Variants in UBASH3A observed in about 807,000 individuals in gnomAD.
UBASH3A encodes ubiquitin-associated and SH3 domain-containing protein A.
In UBASH3A, 63 loss-of-function variants were observed where a neutral mutation model predicts 73.5. That is an observed-to-expected ratio of 0.86 (90% confidence interval 0.70 to 1.06). The LOEUF (loss-of-function observed/expected upper bound fraction) is 1.06. Among genes scored for constraint, UBASH3A ranks in the 50% least tolerant of loss-of-function variants. The probability of loss-of-function intolerance (pLI) is 0.00; values close to 1 mark genes in which losing one functional copy is unlikely to be tolerated. For synonymous variants in UBASH3A, 363 were observed against 351.1 expected, an observed-to-expected ratio of 1.03 and a Z score of -0.38; for missense variants, 860 against 859.0, an observed-to-expected ratio of 1.00 and a Z score of -0.02.
At chr21:42,410,233 G>T in intron 3 of UBASH3A, 1 of 694,830 alleles carries the variant, frequency 1.4e-6, no homozygotes, top group Non-Finnish European at 2.6e-6. Flanking sequence ...TGTGGGAGCT[G>T]CTCAGGAGAA....
intron 7 of UBASH3A, among the ~76,000 whole-genome samples, chr21:42,419,767 G>A (rs533238799): frequency 6.6e-6 from 1 of 152,336 alleles, no homozygotes; most frequent in East Asian, 1.9e-4. Context: ...AATAGAAACT[G>A]TACTTCAAGT....
intron 14 of UBASH3A, among the ~76,000 whole-genome samples, chr21:42,446,648 A>G (rs555541943): frequency 6.6e-6 from 1 of 152,172 alleles, no homozygotes; most frequent in Non-Finnish European, 1.5e-5. Context: ...CTGAAAACTC[A>G]ATGTCTGTGT....
chr21:42,443,060 T>A, intron 12 of UBASH3A: 1 of 1,216,798 alleles, frequency 8.2e-7, no homozygotes, highest in South Asian at 2.4e-5. Flanking sequence ...AGAGTCTTTG[T>A]CATTCTCCAC....
At chr21:42,444,250 C>A (rs1380571949) in intron 13 of UBASH3A, among the ~76,000 whole-genome samples, 3 of 152,228 alleles carry the variant, frequency 2.0e-5, no homozygotes, top group Non-Finnish European at 4.4e-5. Flanking sequence ...CAGTCTGTGG[C>A]TGACGGGGCC....
intron 8 of UBASH3A, 49 bp downstream of exon 8, chr21:42,426,869 A>T: frequency 6.3e-7 from 1 of 1,596,806 alleles, no homozygotes; most frequent in Non-Finnish European, 8.5e-7. Flanking sequence ...GCAAAACTAC[A>T]CTTTGTATTA....
At chr21:42,444,925 G>A (rs896207884) in intron 14 of UBASH3A, among the ~76,000 whole-genome samples, 4 of 152,130 alleles carry the variant, frequency 2.6e-5, no homozygotes, top group Non-Finnish European at 5.9e-5. Flanking sequence ...AAAAACAGAC[G>A]GTCCAGGAAG....
At chr21:42,427,327 G>A (rs1016092096) in intron 8 of UBASH3A, among the ~76,000 whole-genome samples, 1 of 152,166 alleles carries the variant, frequency 6.6e-6, no homozygotes, top group Non-Finnish European at 1.5e-5. Flanking sequence ...ACGCAAACAA[G>A]TGACATCACA....
intron 8 of UBASH3A, among the ~76,000 whole-genome samples, chr21:42,431,447 C>G (rs781714092): frequency 6.6e-6 from 1 of 152,220 alleles, no homozygotes; most frequent in African/African-American, 2.4e-5. Context: ...GTCCCTGGCT[C>G]GAAGCTGCTG....
chr21:42,447,048 C>G lies in UBASH3A; in HGVS notation c.1849-9C>G. On this transcript the variant is annotated splice_polypyrimidine_tract_variant and intron_variant, in intron 14 of 14. Coordinates refer to ENST00000319294, the MANE Select transcript of UBASH3A (RefSeq NM_018961.4). Reference sequence around the variant, plus strand: ...AGATATTAACAAGTGATTTAAAACTCTGTTCCAGATCCCTTCCCTGGGCAT... The same window carrying G: ...AGATATTAACAAGTGATTTAAAACTGTGTTCCAGATCCCTTCCCTGGGCAT... The G allele has an allele frequency of 6.2e-7, 1 of 1,608,186 alleles. No homozygotes were observed. Among genetic ancestry groups the G allele is most frequent in the Non-Finnish European group, 8.5e-7 (1 of 1,178,214 alleles).
chr21:42,405,906 G>A (rs1043308029), intron 1 of UBASH3A, among the ~76,000 whole-genome samples: 3 of 149,954 alleles, frequency 2.0e-5, no homozygotes, highest in Non-Finnish European at 4.4e-5. Flanking sequence ...GATCAGGGTC[G>A]CTGATGCTGG....
chr21:42,407,469 C>A (rs1208501510), intron 2 of UBASH3A, among the ~76,000 whole-genome samples: 1 of 152,166 alleles, frequency 6.6e-6, no homozygotes, highest in African/African-American at 2.4e-5. Context: ...AAGGGCATGG[C>A]CAGCACCTGC....
At chr21:42,423,081 G>A (rs2053369438) in intron 7 of UBASH3A, among the ~76,000 whole-genome samples, 1 of 152,236 alleles carries the variant, frequency 6.6e-6, no homozygotes, top group African/African-American at 2.4e-5. Context: ...CTGGGTCAAA[G>A]GGAGAGTAAA....
At chr21:42,437,382 C>T (rs1457698904) in intron 10 of UBASH3A, 106 bp from the exon 11 acceptor site, 14 of 971,142 alleles carry the variant, frequency 1.4e-5, no homozygotes, top group African/African-American at 8.0e-5. Flanking sequence ...GGTGGAAACC[C>T]GGGGCCCTTT....
rs759521205 is a variant in UBASH3A at position 42,404,031 on chromosome 21, T to C, written c.86T>C (p.Leu29Pro). The part of the protein sequence containing the change: ...RSSPSLLEPL[L>P]AMGFPVHTAL... ...AGCCCCTCGCTCCTGGAGCCCCTCC[T>C]GGCCATGGGCTTCCCGGTGCACACC... is the stretch of plus-strand genomic sequence containing the variant. Residue 29 changes from leucine (L) to proline (P), a missense_variant, in exon 1 of 15, where the codon CTG becomes CCG. Physicochemically the swap from Leu to Pro is moderately conservative, Grantham distance 98. Transcript: ENST00000319294. 1 of 1,525,142 alleles carries C rather than the reference T, an allele frequency of 6.6e-7. No homozygotes were observed. The highest frequency in any genetic ancestry group is 1.2e-5 in the South Asian group (1 of 80,944). The allele number at this position is 1,525,142 out of a possible 1,614,324, so 94.5% of individuals were successfully genotyped here. A position where few individuals can be genotyped will look rare whatever the true frequency, so the allele number is the denominator to read the frequency against.
At chr21:42,416,645 G>A (rs771083868) in intron 6 of UBASH3A, 34 bp downstream of exon 6, 20 of 1,478,858 alleles carry the variant, frequency 1.4e-5, no homozygotes, top group Non-Finnish European at 1.8e-5. Context: ...ATAAGAAGCA[G>A]ATGAATGGGC....
chr21:42,417,842 G>A (rs577254837), intron 6 of UBASH3A, among the ~76,000 whole-genome samples: 1 of 148,328 alleles, frequency 6.7e-6, no homozygotes, highest in Admixed American at 6.7e-5. Flanking sequence ...ATGATGGATA[G>A]ATCCCAAAAT....
rs1029902322 is a variant in UBASH3A, at chr21:42,410,229, AG to A, written c.354+622del. 7.3e-5 allele frequency: 51 copies of A among 698,248 alleles called. 1 individual carries two copies. The highest frequency in any genetic ancestry group is 5.6e-4 in the South Asian group (38 of 67,346). The allele number at this position is 698,248 out of a possible 1,614,324, so 43.3% of individuals were successfully genotyped here. On this transcript the variant is annotated intron_variant, in intron 3 of 14. Transcript: ENST00000319294. ...ACCGGGAAGACAAGAAGAATGTGGGAGCTGCTCAGGAGAAAAGAAGGAGAAG... is the reference window on the plus strand; with the variant it reads ...ACCGGGAAGACAAGAAGAATGTGGGACTGCTCAGGAGAAAAGAAGGAGAAG...
At chr21:42,412,595 G>C (rs1414590182) in intron 3 of UBASH3A, among the ~76,000 whole-genome samples, 1 of 152,202 alleles carries the variant, frequency 6.6e-6, no homozygotes, top group Non-Finnish European at 1.5e-5. Context: ...AAGTGCAGCT[G>C]AGTCCCGCTC....
At chr21:42,406,221 T>C in intron 1 of UBASH3A, 87 bp from the exon 2 acceptor site, 1 of 1,078,244 alleles carries the variant, frequency 9.3e-7, no homozygotes, top group Non-Finnish European at 1.4e-6. Flanking sequence ...CCAAAGATCC[T>C]GGGTGTGCAA....
Sources: allele counts gnomAD v4.1 joint callset (sites outside exome capture counted in the v4.1 genomes callset), GRCh38; gene constraint gnomAD v4.1.1; transcripts MANE v1.5; gene names NCBI Gene and HGNC (gene_info 2026-07-23, HGNC 2026-07-21).